Variants in PCDHA6 observed in about 807,000 individuals in gnomAD.
PCDHA6 encodes the protein protocadherin alpha 6, also known as protocadherin alpha-6.
In PCDHA6, 55 loss-of-function variants were observed where a neutral mutation model predicts 60.3. The observed-to-expected ratio is 0.91, with a 90% CI of 0.73 to 1.14. The LOEUF is 1.14. PCDHA6 is among the 50% of genes most tolerant of loss of function. The probability of loss-of-function intolerance (pLI) is 0.00; values close to 1 mark genes in which losing one functional copy is unlikely to be tolerated. For missense variants in PCDHA6, 1,327 were observed against 1,256.5 expected (o/e 1.06, Z -0.85); for synonymous variants, 652 against 557.9 (o/e 1.17, Z -2.38).
At chr5:140,877,487 A>C (rs1293347310) in intron 1 of PCDHA6, 1 of 1,613,704 alleles carries the variant, frequency 6.2e-7, no homozygotes, top group African/African-American at 1.3e-5. Context: ...CTGGTGGAGA[A>C]CGGCCAGGCC....
chr5:141,000,462 T>C (rs1554257607), intron 3 of PCDHA6, among the ~76,000 whole-genome samples: 1 of 139,384 alleles, frequency 7.2e-6, no homozygotes, highest in Non-Finnish European at 1.5e-5. Flanking sequence ...AGTTTTGCTC[T>C]TGTTGCCCAA....
chr5:140,835,898 G>T lies in PCDHA6; in HGVS notation c.2394+5413G>T, dbSNP rs2150247809. 5 of 1,612,080 alleles carry T rather than the reference G, an allele frequency of 3.1e-6. No homozygotes were observed. The Admixed American group carries it at 8.3e-5, about 27-fold the overall frequency. ...TGCGGGTGGGCGAGCGCGCGCTGTCGAGCTACGTGTCAGTGCACGCGGAGA... is the reference window on the plus strand; with the variant it reads ...TGCGGGTGGGCGAGCGCGCGCTGTCTAGCTACGTGTCAGTGCACGCGGAGA... On this transcript the variant is annotated intron_variant, in intron 1 of 3. Transcript: ENST00000529310.
intron 2 of PCDHA6, among the ~76,000 whole-genome samples, chr5:140,981,993 G>A (rs533430599): frequency 6.6e-6 from 1 of 152,272 alleles, no homozygotes; most frequent in Admixed American, 6.5e-5. Flanking sequence ...TAGAAAATAA[G>A]GTTAAGAATT....
chr5:140,869,227 G>A, intron 1 of PCDHA6: 2 of 1,613,788 alleles, frequency 1.2e-6, no homozygotes, highest in African/African-American at 1.3e-5. Context: ...GGCCAAACAC[G>A]GCACCTTCGT....
At chr5:140,901,539 A>G (rs192107124) in intron 1 of PCDHA6, among the ~76,000 whole-genome samples, 2 of 152,070 alleles carry the variant, frequency 1.3e-5, no homozygotes, top group East Asian at 1.9e-4. Context: ...TTGGTTCTCT[A>G]TTCTGTTCCA....
chr5:140,889,032 AT>A (rs1357652460), intron 1 of PCDHA6, among the ~76,000 whole-genome samples: 12 of 152,198 alleles, frequency 7.9e-5, no homozygotes, highest in South Asian at 6.2e-4. Context: ...GATAACCGTA[AT>A]TTGATTATAA....
In PCDHA6 at chr5:140,842,704, G is replaced by A. The variant is rs151170990; in HGVS notation, c.2394+12219G>A. 2,141 of 1,595,136 alleles carry A rather than the reference G, an allele frequency of 1.3e-3. 215 individuals are homozygous for A. The highest frequency in any genetic ancestry group is 5.2e-3 in the African/African-American group (389 of 74,336). On this transcript the variant is annotated intron_variant, in intron 1 of 3. Transcript: ENST00000529310. ...CGGCGTTCGCGCAGCCCGAGTACAC[G>A]GTGTTCGTGAAGGAGAACAACCCGC... is the stretch of plus-strand genomic sequence containing the variant.
intron 1 of PCDHA6, chr5:140,868,793 C>T: frequency 3.1e-6 from 1 of 326,092 alleles, no homozygotes; most frequent in Non-Finnish European, 5.5e-6. Context: ...CTGAATATTC[C>T]ATAAATAAGC....
intron 1 of PCDHA6, among the ~76,000 whole-genome samples, chr5:140,951,812 A>G (rs2094639418): frequency 1.3e-5 from 2 of 152,152 alleles, no homozygotes; most frequent in Admixed American, 1.3e-4. Context: ...ATGGTCCCTC[A>G]AAGTCTGAAC....
chr5:140,914,785 C>G (rs2153531678), intron 1 of PCDHA6, among the ~76,000 whole-genome samples: 1 of 151,672 alleles, frequency 6.6e-6, no homozygotes, highest in Non-Finnish European at 1.5e-5. Context: ...ATCTTATGAC[C>G]CATTATTTTA....
intron 1 of PCDHA6, among the ~76,000 whole-genome samples, chr5:140,873,728 T>C (rs1208346643): frequency 6.6e-6 from 1 of 152,190 alleles, no homozygotes; most frequent in African/African-American, 2.4e-5. Flanking sequence ...TGGCGCAATC[T>C]CAGCTCACTG....
At position 140,846,681 on chromosome 5, in the gene PCDHA6, C is replaced by T. The variant is rs1425082989; in HGVS notation, c.2394+16196C>T. Reference sequence around the variant, plus strand: ...GAGCCACCGCGCCCAGCCTAAAATGCTTTCTTAGCAAGTAGAGAAGATTGT... The same window carrying T: ...GAGCCACCGCGCCCAGCCTAAAATGTTTTCTTAGCAAGTAGAGAAGATTGT... On this transcript the variant is annotated intron_variant, in intron 1 of 3. Coordinates refer to ENST00000529310, the MANE Select transcript of PCDHA6 (RefSeq NM_018909.4). Among the ~76,000 whole-genome samples, 2 of 149,174 alleles carry T rather than the reference C, an allele frequency of 1.3e-5. 1 individual carries two copies. The highest frequency in any genetic ancestry group is 1.3e-4 in the Admixed American group (2 of 14,874).
At chr5:140,986,031 G>A (rs1443664535) in intron 3 of PCDHA6, among the ~76,000 whole-genome samples, 5 of 152,198 alleles carry the variant, frequency 3.3e-5, no homozygotes, top group South Asian at 2.1e-4. Flanking sequence ...GAGCCACTGC[G>A]CCTGGCCTCA....
chr5:140,849,508 T>C, intron 1 of PCDHA6: 1 of 1,596,440 alleles, frequency 6.3e-7, no homozygotes, highest in South Asian at 1.1e-5. Context: ...ACACTTCTTG[T>C]GGAAGTTGTG....
Position 140,982,486 on chromosome 5 carries a change from T to C in PCDHA6, c.2465T>C (p.Leu822Pro). ...LRAGMHSSVH[L>P]EEAGILRAGP... Reference sequence around the variant, plus strand: ...GTGTGTTTATTCAGCTCTGTGCACCTAGAGGAGGCTGGCATTCTACGGGCT... The same window carrying C: ...GTGTGTTTATTCAGCTCTGTGCACCCAGAGGAGGCTGGCATTCTACGGGCT... Residue 822 changes from leucine to proline, a missense_variant, in exon 3 of 4, where the codon CTA (leucine) becomes CCA (proline). Physicochemically the swap from Leu to Pro is moderately conservative, Grantham distance 98. Coordinates refer to ENST00000529310, the MANE Select transcript of PCDHA6 (RefSeq NM_018909.4). The C allele has an allele frequency of 6.2e-7, 1 of 1,614,180 alleles. No individual in the cohort carries two copies. Among genetic ancestry groups the C allele is most frequent in the South Asian group, 1.1e-5 (1 of 91,086 alleles).
At position 141,001,667 on chromosome 5, in the gene PCDHA6, A is replaced by G. The variant is rs949508860; in HGVS notation, c.2543-7960A>G. ...GTGTGGGAGAAGGCGGAGCTTGTCC[A>G]GTCGGTCCAACAAACCCCACAGATG... is the stretch of plus-strand genomic sequence containing the variant. On this transcript the variant is annotated intron_variant, in intron 3 of 3. Coordinates refer to ENST00000529310, the MANE Select transcript of PCDHA6 (RefSeq NM_018909.4). Among the ~76,000 whole-genome samples, 9 of 152,268 alleles carry G rather than the reference A, an allele frequency of 5.9e-5. 1 individual carries two copies. In the East Asian group the frequency reaches 1.7e-3, roughly 29 times the overall value.
Position 140,857,796 on chromosome 5 carries a change from C to T in PCDHA6, c.2394+27311C>T, listed in dbSNP as rs1554150678. 15 of 1,597,494 alleles carry T rather than the reference C, an allele frequency of 9.4e-6. 2 individuals are homozygous for T. The highest frequency in any genetic ancestry group is 1.7e-5 in the Admixed American group (1 of 59,248). ...GCAGTCAGTGAGCTGGTGCTGCGGT[C>T]GGTGGTTGCGGGTCACGTGGTGGCT... is the stretch of plus-strand genomic sequence containing the variant. On this transcript the variant is annotated intron_variant, in intron 1 of 3. Transcript: ENST00000529310.
At chr5:140,952,513 A>T (rs533436826) in intron 1 of PCDHA6, among the ~76,000 whole-genome samples, 7 of 152,028 alleles carry the variant, frequency 4.6e-5, no homozygotes, top group Non-Finnish European at 8.8e-5. Context: ...CCTCATCTCC[A>T]TCTGAGACCT....
chr5:140,861,339 C>A lies in PCDHA6; in HGVS notation c.2394+30854C>A. ...TTCCACTACACCATCCTGGAAGAGG[C>A]CAAGGACGGCACATAGCGTCTTCGC... On this transcript the variant is annotated intron_variant, in intron 1 of 3. Transcript: ENST00000529310. 4 of 274,788 alleles carry A rather than the reference C, an allele frequency of 1.5e-5. No homozygotes were observed. The South Asian group carries it at 1.7e-4, about 12-fold the overall frequency. The allele number at this position is 274,788 out of a possible 1,614,324, so 17.0% of individuals were successfully genotyped here.
Sources: allele counts gnomAD v4.1 joint callset (sites outside exome capture counted in the v4.1 genomes callset), GRCh38; gene constraint gnomAD v4.1.1; transcripts MANE v1.5; gene names NCBI Gene and HGNC (gene_info 2026-07-23, HGNC 2026-07-21).